NAALADL2: variants seen among roughly 807,000 people sequenced by gnomAD.
The protein encoded by NAALADL2 is N-acetylated alpha-linked acidic dipeptidase like 2.
A neutral mutation model predicts 87.2 loss-of-function variants in NAALADL2; 76 were observed. The observed-to-expected ratio is 0.87, with a 90% CI of 0.72 to 1.05. The LOEUF (loss-of-function observed/expected upper bound fraction) is 1.05. NAALADL2 is among the 50% of genes least tolerant of loss of function. NAALADL2 has a pLI of 0.00. For missense variants in NAALADL2, 1,089 were observed against 945.8 expected (o/e 1.15, Z -1.99); for synonymous variants, 354 against 331.0 (o/e 1.07, Z -0.75).
At chr3:174,904,445 A>T (rs1732733239) in intron 1 of NAALADL2, among the ~76,000 whole-genome samples, 1 of 151,876 alleles carries the variant, frequency 6.6e-6, no homozygotes, top group Admixed American at 6.6e-5. Flanking sequence ...ATAGTCTATG[A>T]AGCAAGTAAA....
chr3:174,691,337 G>A (rs528760187), intron 2 of NAALADL2, among the ~76,000 whole-genome samples: 1 of 152,010 alleles, frequency 6.6e-6, no homozygotes, highest in Non-Finnish European at 1.5e-5. Flanking sequence ...GCTTGAACCC[G>A]GGAGGCAGAG....
chr3:174,640,631 A>G (rs9850824), intron 2 of NAALADL2, among the ~76,000 whole-genome samples: 32,966 of 152,126 alleles, frequency 0.22, 4,202 homozygotes, highest in African/African-American at 0.34. Context: ...ACCCTCAGGA[A>G]GGCTTGGATA....
chr3:175,669,472 G>A (rs907409454), intron 11 of NAALADL2, among the ~76,000 whole-genome samples: 1 of 151,886 alleles, frequency 6.6e-6, no homozygotes, highest in East Asian at 1.9e-4. Context: ...GAAAAAATTT[G>A]TTTTCAAATT....
rs188202858 is a variant in NAALADL2, at chr3:174,550,653, A to T, written c.-115+16A>T. 3 of 152,152 alleles carry T rather than the reference A, an allele frequency of 2.0e-5. No homozygotes were observed. In the East Asian group the frequency reaches 5.8e-4, roughly 29 times the overall value. The allele number at this position is 152,152 out of a possible 1,614,324, so 9.4% of individuals were successfully genotyped here. On this transcript the variant is annotated intron_variant, in intron 2 of 3. Transcript: ENST00000434257. ...TAAAAACAAGGTAGGTTTTTATCTTAGATATTTTATCCAGGATAAAGGCAG... is the reference window on the plus strand; with the variant it reads ...TAAAAACAAGGTAGGTTTTTATCTTTGATATTTTATCCAGGATAAAGGCAG...
intron 5 of NAALADL2, among the ~76,000 whole-genome samples, chr3:175,328,417 TAA>T (rs76598617): frequency 2.2e-4 from 31 of 140,910 alleles, no homozygotes; most frequent in African/African-American, 2.8e-4. Context: ...AGTTCTACTG[TAA>T]AAAAAAAAAA....
intron 1 of NAALADL2, among the ~76,000 whole-genome samples, chr3:174,469,574 A>G (rs887148447): frequency 1.1e-4 from 16 of 151,704 alleles, no homozygotes; most frequent in Admixed American, 9.2e-4. Flanking sequence ...GACTACAGGT[A>G]CCCGCCACCA....
chr3:175,460,835 A>T (rs1723007283), intron 6 of NAALADL2, among the ~76,000 whole-genome samples: 1 of 152,188 alleles, frequency 6.6e-6, no homozygotes, highest in Admixed American at 6.5e-5. Context: ...GGTGTTGCAG[A>T]CCCAAAGAGT....
intron 5 of NAALADL2, among the ~76,000 whole-genome samples, chr3:175,410,761 C>T (rs1713358107): frequency 6.6e-6 from 1 of 152,126 alleles, no homozygotes; most frequent in Non-Finnish European, 1.5e-5. Context: ...TTATCTGAGG[C>T]ATAAGTATGC....
intron 3 of NAALADL2, among the ~76,000 whole-genome samples, chr3:174,786,276 C>A (rs1193099664): frequency 6.6e-6 from 1 of 151,770 alleles, no homozygotes; most frequent in Admixed American, 6.6e-5. Flanking sequence ...CAGTGAAACC[C>A]CATCTGTACT....
intron 1 of NAALADL2, among the ~76,000 whole-genome samples, chr3:174,525,438 G>A (rs34540689): frequency 0.27 from 41,542 of 152,036 alleles, 6,112 homozygotes; most frequent in South Asian, 0.33. Flanking sequence ...AAGAGAAGGG[G>A]GATGTCTCAG....
intron 3 of NAALADL2, chr3:175,235,603 T>C (rs6795495): frequency 0.69 from 104,447 of 152,118 alleles, 36,294 homozygotes; most frequent in Middle Eastern, 0.74. Context: ...GTTACCCCGA[T>C]ATTTTATCTA....
intron 2 of NAALADL2, among the ~76,000 whole-genome samples, chr3:174,559,341 A>G (rs1233105269): frequency 6.6e-6 from 1 of 152,160 alleles, no homozygotes; most frequent in Non-Finnish European, 1.5e-5. Context: ...ATTGTGAAAG[A>G]TTATATATGC....
At chr3:175,018,822 C>T (rs767265099) in intron 1 of NAALADL2, among the ~76,000 whole-genome samples, 2 of 151,976 alleles carry the variant, frequency 1.3e-5, no homozygotes, top group Admixed American at 6.6e-5. Flanking sequence ...ATAACGTAAC[C>T]GGTGTTTTCT....
At chr3:174,889,438 C>T (rs1336559988) in intron 1 of NAALADL2, among the ~76,000 whole-genome samples, 4 of 152,104 alleles carry the variant, frequency 2.6e-5, no homozygotes, top group Admixed American at 2.6e-4. Context: ...GATTCTACCA[C>T]CTGCCTTTAG....
intron 2 of NAALADL2, among the ~76,000 whole-genome samples, chr3:175,209,613 CA>C (rs777731319): frequency 6.6e-6 from 1 of 151,732 alleles, no homozygotes; most frequent in Non-Finnish European, 1.5e-5. Flanking sequence ...ACATGATCAA[CA>C]AAAGATTAAG....
Position 174,863,407 on chromosome 3 carries a change from G to C in NAALADL2, c.43+3957G>C, listed in dbSNP as rs551827009. 3.9e-5 allele frequency among the ~76,000 whole-genome samples: 6 copies of C among 152,148 alleles called. No individual in the cohort carries two copies. The East Asian group carries it at 9.7e-4, about 24-fold the overall frequency. ...TTATGGAACCTGTCCATCCAGGCTTGGGTTTTCTCTTTACTAAACAAAAGT... is the reference window on the plus strand; with the variant it reads ...TTATGGAACCTGTCCATCCAGGCTTCGGTTTTCTCTTTACTAAACAAAAGT... On this transcript the variant is annotated intron_variant, in intron 1 of 13. Coordinates refer to ENST00000454872, the MANE Select transcript of NAALADL2 (RefSeq NM_207015.3).
At chr3:175,319,739 G>A (rs910962005) in intron 4 of NAALADL2, among the ~76,000 whole-genome samples, 18 of 152,214 alleles carry the variant, frequency 1.2e-4, no homozygotes, top group Non-Finnish European at 2.6e-4. Context: ...AGAATGGCTT[G>A]AACCTGGGAG....
chr3:175,503,398 A>C (rs554575984), intron 9 of NAALADL2, among the ~76,000 whole-genome samples: 15 of 152,216 alleles, frequency 9.9e-5, no homozygotes, highest in African/African-American at 3.6e-4. Flanking sequence ...ATACATATGC[A>C]TTGTGTCTTT....
chr3:175,118,950 CA>C (rs1251908975), intron 2 of NAALADL2, among the ~76,000 whole-genome samples: 2 of 151,536 alleles, frequency 1.3e-5, no homozygotes, highest in South Asian at 4.1e-4. Flanking sequence ...CATCAGGTAG[CA>C]AAAAATTAAA....
Sources: gnomAD v4.1 joint callset for allele counts (sites outside exome capture counted in the v4.1 genomes callset) on GRCh38, gnomAD v4.1.1 for gene constraint, MANE v1.5 for transcripts, NCBI Gene and HGNC (gene_info 2026-07-23, HGNC 2026-07-21) for gene names.